The following PER3 variants were observed in gnomAD, a reference collection of about 807,000 sequenced individuals.
PER3 encodes the protein period circadian regulator 3.
In PER3, 107 loss-of-function variants were observed where a neutral mutation model predicts 127.2. That is an observed-to-expected ratio of 0.84 (90% confidence interval 0.72 to 0.99). The LOEUF is 0.99. Among genes scored for constraint, PER3 ranks in the 50% least tolerant of loss-of-function variants. The pLI is 0.00. For missense variants in PER3, 1,560 were observed against 1,525.8 expected, an observed-to-expected ratio of 1.02 and a Z score of -0.37; for synonymous variants, 618 against 585.8, an observed-to-expected ratio of 1.05 and a Z score of -0.79.
chr1:7,797,987 T>C (rs1422600818), intron 6 of PER3, among the ~76,000 whole-genome samples: 4 of 152,212 alleles, frequency 2.6e-5, no homozygotes, highest in Non-Finnish European at 5.9e-5. Context: ...AACTCGGTTT[T>C]AGCCTCAACT....
chr1:7,829,835 A>G lies in PER3; in HGVS notation c.2888A>G (p.Gln963Arg). Residue 963 changes from glutamine (Q) to arginine (R), a missense_variant and splice_region_variant, in exon 19 of 22, where the codon CAG becomes CGG. Coordinates refer to ENST00000377532, the MANE Select transcript of PER3 (RefSeq NM_001377275.1). ...TTTTCATGTGCCCTTACTTTCTAGCAGTGTGTTACAGGCAACAATGGCAGT... is the reference window on the plus strand; with the variant it reads ...TTTTCATGTGCCCTTACTTTCTAGCGGTGTGTTACAGGCAACAATGGCAGT... ...RRNTCPQTEY[Q>R]CVTGNNGSES... The G allele has an allele frequency of 6.2e-7, 1 of 1,610,408 alleles. No homozygotes were observed.
intron 5 of PER3, among the ~76,000 whole-genome samples, chr1:7,789,140 AAT>A (rs59535110): frequency 3.8e-5 from 5 of 133,124 alleles, no homozygotes; most frequent in Non-Finnish European, 3.3e-5. Context: ...AGAGCTTTAA[AAT>A]ATATATATAT....
At chr1:7,808,794 TTTGTA>T (rs2097206901) in intron 10 of PER3, 94 bp from the exon 11 acceptor site, 1 of 685,320 alleles carries the variant, frequency 1.5e-6, no homozygotes, top group African/African-American at 1.8e-5. Flanking sequence ...AAAGAATTGT[TTTGTA>T]AAAGCATAGA....
At chr1:7,837,488 T>C (rs990753764) in intron 21 of PER3, among the ~76,000 whole-genome samples, 43 of 152,242 alleles carry the variant, frequency 2.8e-4, no homozygotes, top group Non-Finnish European at 4.4e-5. Context: ...TCATTTGTTA[T>C]GTATTTCAAA....
At chr1:7,792,790 G>A (rs1029861985) in intron 5 of PER3, among the ~76,000 whole-genome samples, 14 of 152,152 alleles carry the variant, frequency 9.2e-5, no homozygotes, top group African/African-American at 3.1e-4. Context: ...TTCAGAGTAC[G>A]CTTTTAGAAA....
chr1:7,819,813 G>A (rs527869279), intron 14 of PER3, among the ~76,000 whole-genome samples: 17 of 146,994 alleles, frequency 1.2e-4, no homozygotes, highest in African/African-American at 2.8e-4. Context: ...TTTTTAGTTC[G>A]TCAGTTATGA....
Position 7,826,374 on chromosome 1 carries a change from A to C in PER3, c.1958-106A>C. On this transcript the variant is annotated intron_variant, in intron 16 of 21. Transcript: ENST00000377532. This position sits in a 1 kb window ranked among gnomAD's most constrained non-coding sequence, Gnocchi z 4.2. ...TAATGAAGATTTTTCGTATTCCAGC[A>C]GTTATAATAATGTTTGTAAAAATGT... 1 of 669,644 alleles carries C rather than the reference A, an allele frequency of 1.5e-6. No individual in the cohort carries two copies. The highest frequency in any genetic ancestry group is 2.7e-5 in the Admixed American group (1 of 37,114). The allele number at this position is 669,644 out of a possible 1,614,324, so 41.5% of individuals were successfully genotyped here.
At position 7,784,645 on chromosome 1, in the gene PER3, T is replaced by A; in HGVS notation, c.-224-9T>A. ...TTTGTCCCTTGTCACCCTTGTCTCC[T>A]CCCCCTAGGCCGGAGTCCTGAAAGT... On this transcript the variant is annotated splice_polypyrimidine_tract_variant and intron_variant, in intron 1 of 21. Coordinates refer to ENST00000377532, the MANE Select transcript of PER3 (RefSeq NM_001377275.1). 2.4e-6 allele frequency: 1 copy of A among 422,630 alleles called. No homozygotes were observed. Among genetic ancestry groups the A allele is most frequent in the Non-Finnish European group, 4.2e-6 (1 of 240,576 alleles). The allele number at this position is 422,630 out of a possible 1,614,324, so 26.2% of individuals were successfully genotyped here.
chr1:7,795,837 C>G (rs758808661), intron 6 of PER3, among the ~76,000 whole-genome samples: 5 of 152,236 alleles, frequency 3.3e-5, no homozygotes, highest in Non-Finnish European at 4.4e-5. Flanking sequence ...CATCACCCAG[C>G]TTTTTAAGAA....
intron 19 of PER3, among the ~76,000 whole-genome samples, chr1:7,834,060 C>G (rs962832439): frequency 5.9e-5 from 9 of 152,110 alleles, no homozygotes; most frequent in Admixed American, 1.3e-4. Context: ...GTAGCTGGTA[C>G]TACAGGCGTG....
chr1:7,823,712 A>G (rs1302185244), intron 16 of PER3, among the ~76,000 whole-genome samples: 1 of 152,196 alleles, frequency 6.6e-6, no homozygotes, highest in Non-Finnish European at 1.5e-5. Flanking sequence ...TATTTGGAAA[A>G]TTGTACACTC....
rs2097399695 is a variant in PER3 at position 7,843,322 on chromosome 1, G to GT, written c.*571dup. The GT allele has an allele frequency of 6.5e-6, 1 of 152,726 alleles. No individual in the cohort carries two copies. The highest frequency in any genetic ancestry group is 1.5e-5 in the Non-Finnish European group (1 of 68,056). The allele number at this position is 152,726 out of a possible 1,614,324, so 9.5% of individuals were successfully genotyped here. A position where few individuals can be genotyped will look rare whatever the true frequency, so the allele number is the denominator to read the frequency against. ...CCATTAGCATATCTGGGATAACCAG[G>GT]TTTTGGGGGTTGAGTTTTGGCCTTC... On this transcript the variant is annotated 3_prime_UTR_variant, in exon 22 of 22. Transcript: ENST00000377532.
intron 7 of PER3, among the ~76,000 whole-genome samples, chr1:7,799,215 A>T (rs1277830547): frequency 4.6e-5 from 7 of 152,230 alleles, no homozygotes; most frequent in Non-Finnish European, 4.4e-5. Context: ...CAACAGTCAC[A>T]CAATAAAAAC....
In PER3 at chr1:7,797,528, G is replaced by A. The variant is rs796814354; in HGVS notation, c.645-997G>A. Among the ~76,000 whole-genome samples the A allele has an allele frequency of 4.6e-5, 7 of 152,024 alleles. No homozygotes were observed. The South Asian group carries it at 6.2e-4, about 14-fold the overall frequency. On this transcript the variant is annotated intron_variant, in intron 6 of 21. Transcript: ENST00000377532. ...CACGCACCTGTAATCCCAGCTACTCGGGAGGCTGAGGCAGGAGAATCAGCT... is the reference window on the plus strand; with the variant it reads ...CACGCACCTGTAATCCCAGCTACTCAGGAGGCTGAGGCAGGAGAATCAGCT...
chr1:7,845,001 T>C lies in PER3; in HGVS notation c.*2246T>C, dbSNP rs1167309257. ...CAAAATGCTGTATGAATGGAAATCA[T>C]TTTGCAATTGAGTGACACTTCATTG... On this transcript the variant is annotated 3_prime_UTR_variant, in exon 22 of 22. Transcript: ENST00000377532. 6.6e-6 allele frequency: 1 copy of C among 152,390 alleles called. No homozygotes were observed. Among genetic ancestry groups the C allele is most frequent in the Admixed American group, 6.5e-5 (1 of 15,290 alleles). 9.4% of individuals were successfully genotyped at this position (152,390 alleles called of 1,614,324 possible).
In PER3 at chr1:7,830,742, G is replaced by A. The variant is rs140857645; in HGVS notation, c.3214+581G>A. On this transcript the variant is annotated intron_variant, in intron 19 of 21. Transcript: ENST00000377532. The stretch of plus-strand genomic sequence containing the variant: ...TGTTCAAAGGATTAATCTTTCCCCC[G>A]TTAAATTGCCGTGATGCCTTTGTTG... Among the ~76,000 whole-genome samples, 755 of 152,142 alleles carry A rather than the reference G, an allele frequency of 5.0e-3. 10 individuals are homozygous for A. Among genetic ancestry groups the A allele is most frequent in the Admixed American group, 6.7e-3 (102 of 15,278 alleles).
intron 13 of PER3, chr1:7,811,641 C>T (rs1168176556): frequency 6.6e-6 from 1 of 152,222 alleles, no homozygotes; most frequent in Non-Finnish European, 1.5e-5. Context: ...CAGAAAGAGA[C>T]TTAGCTAGTT....
At chr1:7,803,294 A>G in intron 9 of PER3, 141 bp downstream of exon 9, 1 of 668,646 alleles carries the variant, frequency 1.5e-6, no homozygotes, top group South Asian at 1.7e-5. Context: ...TTCTATTTAA[A>G]CATACTAAAA....
intron 5 of PER3, among the ~76,000 whole-genome samples, chr1:7,793,464 A>G (rs1406518437): frequency 1.3e-5 from 2 of 152,230 alleles, no homozygotes; most frequent in Non-Finnish European, 2.9e-5. Context: ...AAACGATTCT[A>G]TCATTTAACC....
Sources: allele counts gnomAD v4.1 joint callset (sites outside exome capture counted in the v4.1 genomes callset), GRCh38; gene constraint gnomAD v4.1.1; non-coding constraint Gnocchi (gnomAD v3.1); transcripts MANE v1.5; gene names NCBI Gene and HGNC (gene_info 2026-07-23, HGNC 2026-07-21).